The following SEMA3A variants were observed in gnomAD, a reference collection of about 807,000 sequenced individuals.
SEMA3A encodes semaphorin-3A.
Under a neutral mutation model 97.9 loss-of-function variants are expected in SEMA3A, and 29 were observed. The observed-to-expected ratio is 0.30, with a 90% confidence interval of 0.22 to 0.40. SEMA3A has a LOEUF of 0.40. SEMA3A is among the 10% of genes least tolerant of loss of function. The pLI, the probability that SEMA3A is intolerant of heterozygous loss-of-function variation, is 1.00. For synonymous variants in SEMA3A, 321 were observed against 323.7 expected (o/e 0.99, Z 0.09); for missense variants, 763 against 951.3 (o/e 0.80, Z 2.60).
At chr7:84,450,430 A>T (rs1805526814) in intron 1 of SEMA3A, among the ~76,000 whole-genome samples, 1 of 152,136 alleles carries the variant, frequency 6.6e-6, no homozygotes, top group Non-Finnish European at 1.5e-5. Context: ...CCAGAACAGG[A>T]CCTTCTGCAA....
At position 84,129,111 on chromosome 7, in the gene SEMA3A, G is replaced by C. The variant is rs551224014; in HGVS notation, c.333+12C>G. 57 of 1,594,930 alleles carry C rather than the reference G, an allele frequency of 3.6e-5. No individual in the cohort carries two copies. The Admixed American group carries it at 5.7e-4, about 16-fold the overall frequency. The stretch of plus-strand genomic sequence containing the variant: ...CTCAACCTGTATAATAATTTAGTAG[G>C]TTAATGCTTACCAGGATGTCTTTTC... On this transcript the variant is annotated intron_variant, in intron 3 of 16. Coordinates refer to ENST00000265362, the MANE Select transcript of SEMA3A (RefSeq NM_006080.3).
At chr7:84,310,952 T>A (rs920796031) in intron 2 of SEMA3A, among the ~76,000 whole-genome samples, 23 of 151,752 alleles carry the variant, frequency 1.5e-4, no homozygotes, top group Admixed American at 3.9e-4. Context: ...AGGTTTAATT[T>A]CATTTACATG....
At chr7:84,037,047 A>C (rs1405420161) in intron 6 of SEMA3A, among the ~76,000 whole-genome samples, 1 of 152,134 alleles carries the variant, frequency 6.6e-6, no homozygotes, top group African/African-American at 2.4e-5. Context: ...CAAAAATCTC[A>C]TCAGGAAATT....
At chr7:84,202,325 C>T (rs752833862) in intron 3 of SEMA3A, among the ~76,000 whole-genome samples, 8 of 152,026 alleles carry the variant, frequency 5.3e-5, no homozygotes, top group Non-Finnish European at 1.2e-4. Context: ...ACAATATGTC[C>T]TATACAGTTA....
At chr7:84,210,655 T>C (rs1278945433) in intron 3 of SEMA3A, among the ~76,000 whole-genome samples, 1 of 152,116 alleles carries the variant, frequency 6.6e-6, no homozygotes, top group Non-Finnish European at 1.5e-5. Context: ...CGGAATATGG[T>C]TGCAGTGTGG....
intron 1 of SEMA3A, among the ~76,000 whole-genome samples, chr7:84,192,530 CA>C (rs1798080468): frequency 6.6e-6 from 1 of 151,820 alleles, no homozygotes; most frequent in Non-Finnish European, 1.5e-5. Flanking sequence ...CTTATAAAGA[CA>C]ATATCAAATA....
chr7:84,040,607 C>T (rs1174309349), intron 6 of SEMA3A, among the ~76,000 whole-genome samples: 4 of 152,014 alleles, frequency 2.6e-5, no homozygotes, highest in Admixed American at 6.6e-5. Flanking sequence ...CCGGTCACAC[C>T]ATGGTTACAT....
At chr7:84,085,727 C>G (rs1562769325) in intron 4 of SEMA3A, among the ~76,000 whole-genome samples, 2 of 151,960 alleles carry the variant, frequency 1.3e-5, no homozygotes, top group Non-Finnish European at 2.9e-5. Flanking sequence ...CTTTCTTAAC[C>G]TTTTAAAGTA....
At chr7:84,252,564 C>T (rs1799632723) in intron 3 of SEMA3A, among the ~76,000 whole-genome samples, 2 of 152,122 alleles carry the variant, frequency 1.3e-5, no homozygotes, top group Non-Finnish European at 2.9e-5. Context: ...TTTCCCAATG[C>T]TTGAAAGACA....
chr7:84,292,070 A>G (rs923696975), intron 3 of SEMA3A, among the ~76,000 whole-genome samples: 1 of 152,140 alleles, frequency 6.6e-6, no homozygotes, highest in African/African-American at 2.4e-5. Context: ...TTTTCAAATT[A>G]CCAACCAATT....
At chr7:84,198,548 A>G (rs965040475), upstream of SEMA3A, among the ~76,000 whole-genome samples, 1 of 152,174 alleles carries the variant, frequency 6.6e-6, no homozygotes. Context: ...TATAAGTGAA[A>G]TATTCTTATT....
At chr7:83,979,037 C>G (rs141282064) in intron 14 of SEMA3A, among the ~76,000 whole-genome samples, 32 of 151,862 alleles carry the variant, frequency 2.1e-4, no homozygotes, top group Admixed American at 4.6e-4. Context: ...TTAAGAAGAG[C>G]TTAAAATTCA....
chr7:84,127,745 T>C (rs948194724), intron 3 of SEMA3A, among the ~76,000 whole-genome samples: 15 of 152,142 alleles, frequency 9.9e-5, no homozygotes, highest in Non-Finnish European at 2.2e-4. Context: ...TCTAAATCCT[T>C]CTAAACATAT....
At chr7:84,306,897 G>C (rs1050132917) in intron 3 of SEMA3A, among the ~76,000 whole-genome samples, 1 of 152,008 alleles carries the variant, frequency 6.6e-6, no homozygotes, top group African/African-American at 2.4e-5. Flanking sequence ...CTGCTCTGTG[G>C]CTCCTGGGGA....
At chr7:84,072,838 A>G (rs968554850) in intron 4 of SEMA3A, among the ~76,000 whole-genome samples, 2 of 152,152 alleles carry the variant, frequency 1.3e-5, no homozygotes, top group African/African-American at 2.4e-5. Context: ...AACTTCATGT[A>G]TATATTATTT....
At chr7:84,286,359 G>A (rs930860997) in intron 3 of SEMA3A, among the ~76,000 whole-genome samples, 4 of 152,082 alleles carry the variant, frequency 2.6e-5, no homozygotes, top group Non-Finnish European at 4.4e-5. Flanking sequence ...AGGAAGGAGT[G>A]GGCATAGAAT....
chr7:84,230,868 C>T (rs1009132946), intron 3 of SEMA3A, among the ~76,000 whole-genome samples: 6 of 151,906 alleles, frequency 3.9e-5, no homozygotes, highest in Admixed American at 3.9e-4. Flanking sequence ...TTTTCATAAT[C>T]AAGCTCCTGT....
intron 1 of SEMA3A, among the ~76,000 whole-genome samples, chr7:84,471,389 G>A (rs866416374): frequency 7.2e-5 from 11 of 152,090 alleles, no homozygotes; most frequent in Admixed American, 2.0e-4. Flanking sequence ...TTAAAAGGAC[G>A]TAAGGACATC....
At chr7:84,161,457 C>G (rs1014498759) in intron 1 of SEMA3A, among the ~76,000 whole-genome samples, 1 of 152,238 alleles carries the variant, frequency 6.6e-6, no homozygotes, top group African/African-American at 2.4e-5. Context: ...ACAAATCATC[C>G]CTGACACCCT....
Sources: allele counts gnomAD v4.1 joint callset (sites outside exome capture counted in the v4.1 genomes callset), GRCh38; gene constraint gnomAD v4.1.1; transcripts MANE v1.5; gene names NCBI Gene and HGNC (gene_info 2026-07-23, HGNC 2026-07-21).